USP45: variants seen among roughly 807,000 people sequenced by gnomAD.
USP45 encodes the protein ubiquitin specific peptidase 45.
In USP45, 89 loss-of-function variants were observed where a neutral mutation model predicts 95.8. The observed-to-expected ratio is 0.93, with a 90% CI of 0.78 to 1.11. The LOEUF is 1.11. Ranked by LOEUF, USP45 falls within the 50% of genes least tolerant of loss-of-function variation. The pLI, the probability that USP45 is intolerant of heterozygous loss-of-function variation, is 0.00. For synonymous variants in USP45, 281 were observed against 316.2 expected, an observed-to-expected ratio of 0.89 and a Z score of 1.18; for missense variants, 898 against 942.5, an observed-to-expected ratio of 0.95 and a Z score of 0.62.
chr6:99,463,018 AAATTT>A (rs1786899817), intron 13 of USP45, among the ~76,000 whole-genome samples: 1 of 152,140 alleles, frequency 6.6e-6, no homozygotes, highest in African/African-American at 2.4e-5. Flanking sequence ...AGAGTAAGTT[AAATTT>A]AATATTAATT....
intron 7 of USP45, among the ~76,000 whole-genome samples, chr6:99,484,290 C>CCTGAG (rs1227909427): frequency 1.3e-5 from 2 of 151,804 alleles, no homozygotes; most frequent in Non-Finnish European, 2.9e-5. Flanking sequence ...GCTTCCACCT[C>CCTGAG]CTGAGCAGCT....
At chr6:99,517,494 G>A (rs1801185975), upstream of USP45, among the ~76,000 whole-genome samples, 1 of 151,532 alleles carries the variant, frequency 6.6e-6, no homozygotes, top group Admixed American at 6.6e-5. Flanking sequence ...GAGTGCAGTG[G>A]CATGGTCTCA....
intron 5 of USP45, among the ~76,000 whole-genome samples, chr6:99,493,832 T>C (rs1029398600): frequency 6.6e-6 from 1 of 152,234 alleles, no homozygotes; most frequent in Admixed American, 6.5e-5. Flanking sequence ...TTATAGCTTC[T>C]ACTGAAGAAC....
chr6:99,513,388 C>G (rs1800372140), intron 1 of USP45, among the ~76,000 whole-genome samples: 1 of 152,132 alleles, frequency 6.6e-6, no homozygotes, highest in Non-Finnish European at 1.5e-5. Flanking sequence ...CTGATCTAGT[C>G]TTTTATAAGG....
intron 5 of USP45, among the ~76,000 whole-genome samples, chr6:99,503,506 A>G (rs1184124537): frequency 1.3e-5 from 2 of 151,886 alleles, no homozygotes; most frequent in African/African-American, 4.8e-5. Context: ...TAATTTTTGT[A>G]TTCTTAGTAG....
At chr6:99,439,938 G>A (rs1034425128) in intron 15 of USP45, 83 bp from the exon 16 acceptor site, 105 of 1,014,564 alleles carry the variant, frequency 1.0e-4, no homozygotes, top group Non-Finnish European at 1.4e-4. Flanking sequence ...AAGAGAAATT[G>A]TAGGACTTAG....
At position 99,503,875 on chromosome 6, in the gene USP45, T is replaced by C; in HGVS notation, c.378-10A>G. On this transcript the variant is annotated splice_polypyrimidine_tract_variant and intron_variant, in intron 4 of 17. Transcript: ENST00000500704. The stretch of plus-strand genomic sequence containing the variant: ...ATCACATTCATAACACCTGAAAAAG[T>C]ATAAAATTTAAGAAAATATTATGAA... 6.7e-7 allele frequency: 1 copy of C among 1,496,526 alleles called. No homozygotes were observed. The highest frequency in any genetic ancestry group is 9.0e-7 in the Non-Finnish European group (1 of 1,108,108). 92.7% of individuals were successfully genotyped at this position (1,496,526 alleles called of 1,614,324 possible).
intron 7 of USP45, among the ~76,000 whole-genome samples, 199 bp downstream of exon 7, chr6:99,488,001 G>A (rs1794363527): frequency 6.6e-6 from 1 of 152,048 alleles, no homozygotes; most frequent in Non-Finnish European, 1.5e-5. Flanking sequence ...TTGATCCATG[G>A]CATATTGGAA....
intron 10 of USP45, chr6:99,468,032 G>C (rs1364354528): frequency 7.4e-6 from 3 of 403,220 alleles, no homozygotes; most frequent in African/African-American, 2.1e-5. Flanking sequence ...TCATCATTTG[G>C]GGCTCATATT....
chr6:99,469,084 A>G (rs1227359899), intron 9 of USP45, among the ~76,000 whole-genome samples: 3 of 152,172 alleles, frequency 2.0e-5, no homozygotes, highest in African/African-American at 4.8e-5. Context: ...TATGTGGACT[A>G]CCTCATTTAT....
chr6:99,452,484 C>G (rs1784111687), intron 13 of USP45, among the ~76,000 whole-genome samples: 2 of 152,224 alleles, frequency 1.3e-5, no homozygotes, highest in Non-Finnish European at 1.5e-5. Context: ...GAGATACCAT[C>G]TCACACCAGT....
At chr6:99,462,386 C>T (rs1019533782) in intron 13 of USP45, 2 of 984,552 alleles carry the variant, frequency 2.0e-6, no homozygotes, top group African/African-American at 3.5e-5. Context: ...ATTAAAACTA[C>T]TTTGGCCAGT....
chr6:99,462,762 T>C (rs1331742357), intron 13 of USP45: 5 of 888,360 alleles, frequency 5.6e-6, no homozygotes, highest in East Asian at 2.4e-4. Flanking sequence ...GGTAGATCAC[T>C]TGAGGTCATC....
chr6:99,456,744 G>A (rs559603471), intron 13 of USP45, among the ~76,000 whole-genome samples: 28 of 152,302 alleles, frequency 1.8e-4, no homozygotes, highest in African/African-American at 6.5e-4. Flanking sequence ...TGTACAGCAT[G>A]TGTGTTTGAG....
At chr6:99,498,889 T>C (rs1363735472) in intron 5 of USP45, among the ~76,000 whole-genome samples, 1 of 152,324 alleles carries the variant, frequency 6.6e-6, no homozygotes, top group East Asian at 1.9e-4. Flanking sequence ...ATATTTTTGT[T>C]TTGAAAGTTA....
At chr6:99,462,090 A>T in intron 13 of USP45, 2 of 985,368 alleles carry the variant, frequency 2.0e-6, no homozygotes, top group Non-Finnish European at 2.4e-6. Flanking sequence ...TTAGAACCGT[A>T]TGCAAACTTG....
intron 9 of USP45, among the ~76,000 whole-genome samples, chr6:99,473,834 C>T (rs1000692441): frequency 1.5e-5 from 2 of 129,826 alleles, no homozygotes; most frequent in Middle Eastern, 8.5e-3. Context: ...GTGCAAGGCA[C>T]ACAGGACAGA....
At chr6:99,457,840 G>A (rs1263107639) in intron 13 of USP45, among the ~76,000 whole-genome samples, 1 of 152,128 alleles carries the variant, frequency 6.6e-6, no homozygotes, top group Non-Finnish European at 1.5e-5. Flanking sequence ...ATAAACAGGT[G>A]ATTCTCATCA....
chr6:99,435,959 T>C lies in USP45; in HGVS notation c.2315-113A>G, dbSNP rs978672236. The stretch of plus-strand genomic sequence containing the variant: ...ACTCTATCTAATGCCAAATTTTACC[T>C]GAGAAGCCTGTTTTTTCTTGGGTTA... On this transcript the variant is annotated intron_variant, in intron 17 of 17. Transcript: ENST00000500704. The C allele has an allele frequency of 4.7e-5, 53 of 1,118,718 alleles. No individual in the cohort carries two copies. In the African/African-American group the frequency reaches 7.4e-4, roughly 16 times the overall value. The allele number at this position is 1,118,718 out of a possible 1,614,324, so 69.3% of individuals were successfully genotyped here.
Sources: allele counts gnomAD v4.1 joint callset (sites outside exome capture counted in the v4.1 genomes callset), GRCh38; gene constraint gnomAD v4.1.1; transcripts MANE v1.5; gene names NCBI Gene and HGNC (gene_info 2026-07-23, HGNC 2026-07-21).